Variants in ABCA8 observed in about 807,000 individuals in gnomAD.
ABCA8 encodes the protein ABC-type organic anion transporter ABCA8.
A neutral mutation model predicts 192.3 loss-of-function variants in ABCA8; 177 were observed. The ratio of observed to expected loss-of-function variants is 0.92; its 90% CI spans 0.81 to 1.04. The LOEUF (loss-of-function observed/expected upper bound fraction) is 1.04. Ranked by LOEUF, ABCA8 falls within the 50% of genes least tolerant of loss-of-function variation. The pLI is 0.00. For missense variants in ABCA8, 1,915 were observed against 1,904.8 expected (o/e 1.01, Z -0.10); for synonymous variants, 642 against 690.2 (o/e 0.93, Z 1.09).
chr17:68,931,322 C>A (rs1305127698), intron 7 of ABCA8, among the ~76,000 whole-genome samples: 1 of 152,174 alleles, frequency 6.6e-6, no homozygotes, highest in Non-Finnish European at 1.5e-5. Context: ...ACAGTTTATA[C>A]CATTCATGGG....
intron 20 of ABCA8, 87 bp from the exon 21 acceptor site, chr17:68,902,966 G>A: frequency 8.5e-7 from 1 of 1,180,066 alleles, no homozygotes; most frequent in Non-Finnish European, 1.2e-6. Context: ...ATGGGATAAA[G>A]AAATTATAAA....
chr17:68,932,350 T>C lies in ABCA8; in HGVS notation c.735A>G (p.Thr245=). Residue 245 remains threonine, a synonymous_variant, in exon 7 of 40, where the codon ACA becomes ACG. Coordinates refer to ENST00000586539, the MANE Select transcript of ABCA8 (RefSeq NM_001288985.2). ...SFIYYASVNV[T]RERKRMKALM... is the part of the protein sequence containing the mutation. Reference sequence around the variant, plus strand: ...AGGCCTTCATCCTTTTCCTCTCTCTTGTGACATTAACAGATGCATAGTAAA... The same window carrying C: ...AGGCCTTCATCCTTTTCCTCTCTCTCGTGACATTAACAGATGCATAGTAAA... 1 of 1,614,066 alleles carries C rather than the reference T, an allele frequency of 6.2e-7. No homozygotes were observed. The highest frequency in any genetic ancestry group is 8.5e-7 in the Non-Finnish European group (1 of 1,179,972).
chr17:68,891,415 T>C (rs915044179), intron 24 of ABCA8, 74 bp downstream of exon 24: 61 of 1,029,544 alleles, frequency 5.9e-5, no homozygotes, highest in Admixed American at 3.5e-4. Context: ...AGAAATATTC[T>C]TATGAAAAAT....
At chr17:68,938,048 T>C (rs57208634) in intron 4 of ABCA8, among the ~76,000 whole-genome samples, 10,349 of 152,190 alleles carry the variant, frequency 0.068, 1,138 homozygotes, top group African/African-American at 0.23. Context: ...TGGGTCTTGT[T>C]ATGGACGTCT....
intron 24 of ABCA8, 151 bp from the exon 25 acceptor site, chr17:68,887,657 T>A (rs1480143149): frequency 3.2e-6 from 2 of 632,120 alleles, no homozygotes; most frequent in African/African-American, 3.7e-5. Context: ...GTTACAAACA[T>A]AAATAACCAG....
chr17:68,950,651 A>G (rs752657029), intron 1 of ABCA8, among the ~76,000 whole-genome samples: 5 of 152,074 alleles, frequency 3.3e-5, no homozygotes, highest in Non-Finnish European at 5.9e-5. Flanking sequence ...ATGTTTTCTA[A>G]TTTATTAATT....
intron 33 of ABCA8, 46 bp from the exon 34 acceptor site, chr17:68,876,749 T>C (rs1186927906): frequency 1.9e-6 from 3 of 1,610,980 alleles, no homozygotes; most frequent in Admixed American, 1.7e-5. Flanking sequence ...CAAGAGGAAA[T>C]AGATAAGAGG....
At position 68,872,615 on chromosome 17, in the gene ABCA8, A is replaced by AAAAAAG. The variant is rs1398631596; in HGVS notation, c.4631+2639_4631+2644dup. 9.9e-5 allele frequency among the ~76,000 whole-genome samples: 15 copies of AAAAAAG among 151,876 alleles called. 1 individual carries two copies. Among genetic ancestry groups the AAAAAAG allele is most frequent in the Admixed American group, 8.5e-4 (13 of 15,280 alleles). On this transcript the variant is annotated intron_variant, in intron 37 of 39. Coordinates refer to ENST00000586539, the MANE Select transcript of ABCA8 (RefSeq NM_001288985.2). ...AAAAATAAAAAATAAAAAAAATAAA[A>AAAAAAG]AAAAAGAAGAAGGCATTGCTATCAC...
rs1442055902 is a variant in ABCA8 at position 68,947,616 on chromosome 17, G to A, written c.-6+1696C>T. ...GGGCTAAATTATCATTGCTGTTAAC[G>A]AAGGTTCAATTAATTAAATATGACT... On this transcript the variant is annotated intron_variant, in intron 2 of 39. Transcript: ENST00000586539. Among the ~76,000 whole-genome samples, 4 of 152,252 alleles carry A rather than the reference G, an allele frequency of 2.6e-5. No homozygotes were observed. The South Asian group carries it at 6.2e-4, about 24-fold the overall frequency.
At chr17:68,912,899 G>T (rs1442140529) in intron 17 of ABCA8, among the ~76,000 whole-genome samples, 2 of 152,058 alleles carry the variant, frequency 1.3e-5, no homozygotes, top group Non-Finnish European at 1.5e-5. Flanking sequence ...AGATCAAATG[G>T]ACCCAATAAA....
In ABCA8 at chr17:68,940,804, C is replaced by T. The variant is rs201499745; in HGVS notation, c.255G>A (p.Thr85=). Residue 85 remains threonine, a synonymous_variant, in exon 4 of 40, where the codon ACG becomes ACA. Coordinates refer to ENST00000586539, the MANE Select transcript of ABCA8 (RefSeq NM_001288985.2). ...CTACTTTATTCATTATCTGTTGGGT[C>T]GTGTTGGTGACAGGTGTGTATACAA... The part of the protein sequence containing the change: ...FSVVYTPVTN[T]TQQIMNKVAS... The T allele has an allele frequency of 6.6e-5, 107 of 1,613,482 alleles. No homozygotes were observed. The highest frequency in any genetic ancestry group is 2.2e-4 in the East Asian group (10 of 44,860).
chr17:68,936,537 G>T (rs2068070631), intron 5 of ABCA8, among the ~76,000 whole-genome samples: 1 of 152,000 alleles, frequency 6.6e-6, no homozygotes, highest in Admixed American at 6.6e-5. Flanking sequence ...TTATGTACAT[G>T]TCTATTTTTA....
chr17:68,882,448 A>G (rs2036330796), intron 30 of ABCA8, 151 bp downstream of exon 30: 1 of 614,020 alleles, frequency 1.6e-6, no homozygotes, highest in Non-Finnish European at 2.7e-6. Flanking sequence ...CAAAAGAGTT[A>G]ACATGACTTT....
At chr17:68,868,809 C>A (rs1013511971) in intron 38 of ABCA8, among the ~76,000 whole-genome samples, 15 of 152,240 alleles carry the variant, frequency 9.9e-5, no homozygotes, top group African/African-American at 3.4e-4. Context: ...AGGAACTGTT[C>A]TTTTGACCAA....
In ABCA8 at chr17:68,894,076, G is replaced by T. The variant is rs576286793; in HGVS notation, c.3036+97C>A. 42 of 1,294,124 alleles carry T rather than the reference G, an allele frequency of 3.2e-5. No individual in the cohort carries two copies. The African/African-American group carries it at 5.6e-4, about 17-fold the overall frequency. 80.2% of individuals were successfully genotyped at this position (1,294,124 alleles called of 1,614,324 possible). A position where few individuals can be genotyped will look rare whatever the true frequency, so the allele number is the denominator to read the frequency against. On this transcript the variant is annotated intron_variant, in intron 23 of 39. Transcript: ENST00000586539. Reference sequence around the variant, plus strand: ...CCAAATGTTAATTTATTATGCAGTGGTTTACTCAATAAAAACAAGATTCCA... The same window carrying T: ...CCAAATGTTAATTTATTATGCAGTGTTTTACTCAATAAAAACAAGATTCCA...
chr17:68,915,618 G>A (rs957595241), intron 17 of ABCA8, among the ~76,000 whole-genome samples: 1 of 152,004 alleles, frequency 6.6e-6, no homozygotes, highest in Non-Finnish European at 1.5e-5. Flanking sequence ...CCAAAAGACA[G>A]GCAATAACAA....
chr17:68,908,022 A>G, intron 17 of ABCA8, 143 bp from the exon 18 acceptor site: 1 of 795,340 alleles, frequency 1.3e-6, no homozygotes. Flanking sequence ...ACAAAATAAG[A>G]GGACAAAAAC....
In ABCA8 at chr17:68,929,544, T is replaced by G. The variant is rs781029751; in HGVS notation, c.939+17A>C. ...AGGCTATAGGTGGATGGAAAGATAT[T>G]TAATTCACTAACTCACCAAAGATAA... On this transcript the variant is annotated intron_variant, in intron 8 of 39. Coordinates refer to ENST00000586539, the MANE Select transcript of ABCA8 (RefSeq NM_001288985.2). 1.9e-6 allele frequency: 3 copies of G among 1,606,440 alleles called. No individual in the cohort carries two copies. The highest frequency in any genetic ancestry group is 2.5e-6 in the Non-Finnish European group (3 of 1,177,390).
chr17:68,869,551 T>C (rs2065995042), intron 38 of ABCA8, 149 bp downstream of exon 38: 1 of 625,062 alleles, frequency 1.6e-6, no homozygotes, highest in African/African-American at 1.8e-5. Flanking sequence ...TCTATCTCCT[T>C]GGTTTGGGTC....
Sources: gnomAD v4.1 joint callset for allele counts (sites outside exome capture counted in the v4.1 genomes callset) on GRCh38, gnomAD v4.1.1 for gene constraint, MANE v1.5 for transcripts, NCBI Gene and HGNC (gene_info 2026-07-23, HGNC 2026-07-21) for gene names.